The following ACSL6 variants were observed in gnomAD, a reference collection of about 807,000 sequenced individuals.
ACSL6 encodes the protein long-chain-fatty-acid--CoA ligase 6.
In ACSL6, 47 loss-of-function variants were observed where a neutral mutation model predicts 98.2. That is an observed-to-expected ratio of 0.48 (90% CI 0.38 to 0.61). ACSL6 has a LOEUF of 0.61. Among genes scored for constraint, ACSL6 ranks in the 20% least tolerant of loss-of-function variants. The probability of loss-of-function intolerance (pLI) is 0.00; values close to 1 mark genes in which losing one functional copy is unlikely to be tolerated. For synonymous variants in ACSL6, 362 were observed against 336.9 expected (o/e 1.07, Z -0.82); for missense variants, 761 against 913.4 (o/e 0.83, Z 2.15).
Position 131,950,534 on chromosome 5 carries a change from C to T in ACSL6, c.*3700G>A, listed in dbSNP as rs114400238. The T allele has an allele frequency of 4.9e-3, 991 of 202,568 alleles. 10 individuals carry two copies. Among genetic ancestry groups the T allele is most frequent in the African/African-American group, 0.021 (938 of 43,756 alleles). The allele number at this position is 202,568 out of a possible 1,614,324, so 12.5% of individuals were successfully genotyped here. A position where few individuals can be genotyped will look rare whatever the true frequency, so the allele number is the denominator to read the frequency against. ...TAAAATTAAAACCGGCAAGGAAATA[C>T]AGCCAATTTATAGTTTACCAATTTT... On this transcript the variant is annotated 3_prime_UTR_variant, in exon 21 of 21. Transcript: ENST00000651883.
At position 131,968,215 on chromosome 5, in the gene ACSL6, G is replaced by C. The variant is rs527660576; in HGVS notation, c.1508-187C>G. The C allele has an allele frequency of 6.8e-5, 38 of 554,870 alleles. 1 individual carries two copies. The highest frequency in any genetic ancestry group is 1.1e-4 in the Non-Finnish European group (33 of 312,460). The allele number at this position is 554,870 out of a possible 1,614,324, so 34.4% of individuals were successfully genotyped here. ...AAAACAAAGTGCTGGAGAAAGCAAA[G>C]GCCAATCTCTGCCTGGGCATTTGTT... On this transcript the variant is annotated intron_variant, in intron 15 of 20. Transcript: ENST00000651883.
rs184318469 is a variant in ACSL6 at position 132,006,085 on chromosome 5, A to C, written c.49+5420T>G. ...CACAAGCTTAAATGGGCAGATGGCA[A>C]ATCAGAAGCCATTCCCAACTCCCCC... On this transcript the variant is annotated intron_variant, in intron 1 of 20. Transcript: ENST00000651883. Among the ~76,000 whole-genome samples, 630 of 152,312 alleles carry C rather than the reference A, an allele frequency of 4.1e-3. 4 individuals carry two copies. The highest frequency in any genetic ancestry group is 0.013 in the African/African-American group (547 of 41,582).
intron 9 of ACSL6, among the ~76,000 whole-genome samples, chr5:131,979,929 T>G (rs1313070738): frequency 6.6e-6 from 1 of 152,252 alleles, no homozygotes. Context: ...AGTGTTAGAT[T>G]CTGCCAATGA....
At chr5:131,975,250 T>C in intron 10 of ACSL6, 3 of 1,277,852 alleles carry the variant, frequency 2.3e-6, no homozygotes, top group Non-Finnish European at 3.0e-6. Flanking sequence ...GTCTAGGTTA[T>C]CTGCAGAAGC....
Position 131,953,753 on chromosome 5 carries a change from T to C in ACSL6, c.*481A>G. 1.0e-5 allele frequency: 2 copies of C among 194,926 alleles called. No individual in the cohort carries two copies. 12.1% of individuals were successfully genotyped at this position (194,926 alleles called of 1,614,324 possible). ...GACTATGAGTTATCATGTTTTCTTT[T>C]AGCATGATTCTATACACCTAGCTTT... is the stretch of plus-strand genomic sequence containing the variant. On this transcript the variant is annotated 3_prime_UTR_variant, in exon 21 of 21. Coordinates refer to ENST00000651883, the MANE Select transcript of ACSL6 (RefSeq NM_001009185.3).
rs923230038 is a variant in ACSL6 at position 131,976,330 on chromosome 5, T to C, written c.990+318A>G. 6 of 667,246 alleles carry C rather than the reference T, an allele frequency of 9.0e-6. No homozygotes were observed. In the Admixed American group the frequency reaches 2.5e-4, roughly 28 times the overall value. 41.3% of individuals were successfully genotyped at this position (667,246 alleles called of 1,614,324 possible). ...CTAAATAAAGGTACACACAAAACCA[T>C]GGGTATATCAATTTTTGAAGTTATT... On this transcript the variant is annotated intron_variant, in intron 10 of 20. Coordinates refer to ENST00000651883, the MANE Select transcript of ACSL6 (RefSeq NM_001009185.3).
chr5:131,956,098 T>C (rs185295607), intron 20 of ACSL6, among the ~76,000 whole-genome samples: 1 of 152,220 alleles, frequency 6.6e-6, no homozygotes, highest in African/African-American at 2.4e-5. Flanking sequence ...GTGGAGAACA[T>C]TGTATAATTG....
intron 9 of ACSL6, among the ~76,000 whole-genome samples, chr5:131,980,754 C>T (rs1309267233): frequency 6.6e-6 from 1 of 152,122 alleles, no homozygotes; most frequent in Non-Finnish European, 1.5e-5. Flanking sequence ...CTCATCCCTG[C>T]CTCCCTCCCA....
chr5:132,000,902 C>A (rs1205192625), intron 1 of ACSL6, among the ~76,000 whole-genome samples: 1 of 152,192 alleles, frequency 6.6e-6, no homozygotes, highest in Non-Finnish European at 1.5e-5. Flanking sequence ...CTTGCAACAC[C>A]TTCCCTGGAG....
intron 17 of ACSL6, among the ~76,000 whole-genome samples, chr5:131,963,886 G>T (rs549339335): frequency 6.6e-6 from 1 of 152,154 alleles, no homozygotes; most frequent in Non-Finnish European, 1.5e-5. Context: ...GCTGGGTGTT[G>T]TCACCTCTGT....
chr5:131,974,974 C>A lies in ACSL6; in HGVS notation c.991-4G>T. The A allele has an allele frequency of 6.2e-7, 1 of 1,613,534 alleles. No homozygotes were observed. ...CCTGTCTCGGAAAGATCACTTTCTG[C>A]AGGCGACGGGCATGGGAGACAGAAA... On this transcript the variant is annotated splice_region_variant and splice_polypyrimidine_tract_variant and intron_variant, in intron 10 of 20. Transcript: ENST00000651883.
intron 9 of ACSL6, chr5:131,982,198 C>T (rs1753939585): frequency 8.1e-6 from 1 of 122,980 alleles, no homozygotes; most frequent in Admixed American, 9.9e-5. Context: ...GGCTGGAGTG[C>T]AGTGGCGGGA....
At chr5:131,995,853 T>G (rs1183965854) in intron 1 of ACSL6, among the ~76,000 whole-genome samples, 1 of 152,238 alleles carries the variant, frequency 6.6e-6, no homozygotes, top group African/African-American at 2.4e-5. Flanking sequence ...CAGTACCATT[T>G]AGACATATAA....
intron 4 of ACSL6, among the ~76,000 whole-genome samples, chr5:131,989,725 C>T (rs1470534247): frequency 6.7e-6 from 1 of 149,642 alleles, no homozygotes; most frequent in Non-Finnish European, 1.5e-5. Flanking sequence ...TCCCGAGTAG[C>T]TGGGATTACA....
intron 20 of ACSL6, among the ~76,000 whole-genome samples, chr5:131,957,098 A>G (rs1752450348): frequency 6.6e-6 from 1 of 152,214 alleles, no homozygotes; most frequent in South Asian, 2.1e-4. Flanking sequence ...TAAGTTTTTC[A>G]GTGGTCTTAA....
chr5:131,988,461 G>T, intron 6 of ACSL6: 1 of 1,510,440 alleles, frequency 6.6e-7, no homozygotes. Flanking sequence ...GCTCCCCTTT[G>T]TTCCAGGCTC....
chr5:131,994,922 C>G (rs1470725390), intron 1 of ACSL6, among the ~76,000 whole-genome samples: 2 of 152,240 alleles, frequency 1.3e-5, no homozygotes, highest in Non-Finnish European at 2.9e-5. Flanking sequence ...CCCACCATAA[C>G]TGGGCCCTGT....
In ACSL6 at chr5:131,952,861, G is replaced by T. The variant is rs1752220430; in HGVS notation, c.*1373C>A. On this transcript the variant is annotated 3_prime_UTR_variant, in exon 21 of 21. Transcript: ENST00000651883. ...AAAAGTTTTCTTGGGGCATTTTAAA[G>T]AGGTTTATCAAAGTTATATTGTTGA... is the stretch of plus-strand genomic sequence containing the variant. 4.6e-6 allele frequency: 1 copy of T among 217,140 alleles called. No homozygotes were observed. The highest frequency in any genetic ancestry group is 1.9e-4 in the South Asian group (1 of 5,380). 13.5% of individuals were successfully genotyped at this position (217,140 alleles called of 1,614,324 possible).
At chr5:132,005,676 G>A (rs1314426853) in intron 1 of ACSL6, among the ~76,000 whole-genome samples, 1 of 152,252 alleles carries the variant, frequency 6.6e-6, no homozygotes, top group Non-Finnish European at 1.5e-5. Flanking sequence ...TGGGACAGGG[G>A]TGCGTGGGCA....
Sources: allele counts gnomAD v4.1 joint callset (sites outside exome capture counted in the v4.1 genomes callset), GRCh38; gene constraint gnomAD v4.1.1; transcripts MANE v1.5; gene names NCBI Gene and HGNC (gene_info 2026-07-23, HGNC 2026-07-21).